SHANK2: variants seen among roughly 807,000 people sequenced by gnomAD.
SHANK2 encodes the protein SH3 and multiple ankyrin repeat domains 2, also known as SH3 and multiple ankyrin repeat domains protein 2.
SHANK2 carries 43 observed loss-of-function variants against 133.7 expected under a neutral mutation model. The observed-to-expected ratio is 0.32, with a 90% confidence interval of 0.25 to 0.41. The LOEUF (loss-of-function observed/expected upper bound fraction) is 0.41. Among genes scored for constraint, SHANK2 ranks in the 10% least tolerant of loss-of-function variants. SHANK2 has a pLI of 1.00. For synonymous variants in SHANK2, 1,017 were observed against 952.8 expected, an observed-to-expected ratio of 1.07 and a Z score of -1.24; for missense variants, 1,994 against 2,235.8, an observed-to-expected ratio of 0.89 and a Z score of 2.18.
At chr11:71,117,486 G>A (rs563144275) in intron 4 of SHANK2, among the ~76,000 whole-genome samples, 1 of 152,172 alleles carries the variant, frequency 6.6e-6, no homozygotes, top group African/African-American at 2.4e-5. Flanking sequence ...TCAACTCCCA[G>A]GTAGCTTCCA....
In SHANK2 at chr11:71,141,558, C is replaced by T. The variant is rs1362113794; in HGVS notation, c.207+5562G>A. Among the ~76,000 whole-genome samples the T allele has an allele frequency of 2.6e-5, 4 of 152,124 alleles. No individual in the cohort carries two copies. The East Asian group carries it at 7.7e-4, about 29-fold the overall frequency. On this transcript the variant is annotated intron_variant, in intron 3 of 25. Coordinates refer to ENST00000601538, the MANE Select transcript of SHANK2 (RefSeq NM_012309.5). ...TGTGACTTTGCTCCTCCTCCAACTT[C>T]CACCATAATTGTGAGGCCTCCCCAG...
At chr11:70,518,606 T>C (rs1158360932) in intron 17 of SHANK2, among the ~76,000 whole-genome samples, 2 of 152,226 alleles carry the variant, frequency 1.3e-5, no homozygotes, top group Admixed American at 6.5e-5. Context: ...ACCGAGTCAA[T>C]TGCATCCTGC....
chr11:70,932,558 C>T (rs1950517610), intron 10 of SHANK2, among the ~76,000 whole-genome samples: 1 of 152,248 alleles, frequency 6.6e-6, no homozygotes, highest in African/African-American at 2.4e-5. Context: ...CCAAGTCAGG[C>T]ATCTGGGCCA....
intron 13 of SHANK2, among the ~76,000 whole-genome samples, chr11:70,800,361 T>C (rs1381875566): frequency 6.6e-6 from 1 of 152,230 alleles, no homozygotes; most frequent in African/African-American, 2.4e-5. Context: ...GGGCCAGGGA[T>C]GCCCTCAACA....
chr11:71,092,683 C>T (rs1951539776), intron 7 of SHANK2, 94 bp from the exon 8 acceptor site: 1 of 1,332,170 alleles, frequency 7.5e-7, no homozygotes, highest in Admixed American at 2.1e-5. Context: ...ACCACCCTCC[C>T]CCAGGTCAAG....
intron 10 of SHANK2, chr11:70,949,980 G>A (rs1000875042): frequency 2.2e-6 from 1 of 447,500 alleles, no homozygotes; most frequent in Middle Eastern, 3.3e-4. Context: ...TAGGTGCGGT[G>A]CCTGGGGAGG....
intron 17 of SHANK2, among the ~76,000 whole-genome samples, chr11:70,591,318 C>T (rs2060317902): frequency 6.6e-6 from 1 of 151,108 alleles, no homozygotes; most frequent in South Asian, 2.1e-4. Context: ...TGCCACTGCA[C>T]TCCAGTATGG....
intron 6 of SHANK2, among the ~76,000 whole-genome samples, chr11:71,107,321 C>A: frequency 6.6e-6 from 1 of 152,252 alleles, no homozygotes; most frequent in Middle Eastern, 3.4e-3. Context: ...ACCCTGGCCC[C>A]GTGGGTCTCT....
chr11:70,564,289 C>T (rs1434148798), intron 17 of SHANK2, among the ~76,000 whole-genome samples: 3 of 150,848 alleles, frequency 2.0e-5, no homozygotes, highest in African/African-American at 4.9e-5. Flanking sequence ...GATGGAGTCT[C>T]ACCCTGTTGC....
intron 11 of SHANK2, among the ~76,000 whole-genome samples, chr11:70,858,757 C>T (rs1160118518): frequency 6.6e-6 from 1 of 152,252 alleles, no homozygotes; most frequent in Non-Finnish European, 1.5e-5. Flanking sequence ...TCCAGCCTAA[C>T]TTTACTACCT....
intron 11 of SHANK2, among the ~76,000 whole-genome samples, chr11:70,877,217 G>A (rs1042445724): frequency 1.3e-5 from 2 of 152,182 alleles, no homozygotes; most frequent in Non-Finnish European, 2.9e-5. Context: ...TGCCCCGCTC[G>A]CTGGATAACT....
At chr11:70,599,766 C>T (rs367740825) in intron 17 of SHANK2, among the ~76,000 whole-genome samples, 3 of 145,962 alleles carry the variant, frequency 2.1e-5, no homozygotes, top group Non-Finnish European at 3.0e-5. Context: ...CACTCCAGCC[C>T]GGGTTACAGT....
chr11:71,064,747 G>A (rs1171141335), intron 9 of SHANK2, among the ~76,000 whole-genome samples: 1 of 152,126 alleles, frequency 6.6e-6, no homozygotes, highest in Admixed American at 6.5e-5. Flanking sequence ...GGATGAGAGG[G>A]ACGGTGAGAA....
intron 3 of SHANK2, among the ~76,000 whole-genome samples, chr11:71,139,364 A>AGG (rs1386469394): frequency 2.5e-5 from 2 of 79,298 alleles, no homozygotes; most frequent in East Asian, 8.5e-4. Flanking sequence ...GGGTAGGGGG[A>AGG]GGGGGGAGGG....
chr11:70,600,673 C>T (rs181093492), intron 17 of SHANK2, among the ~76,000 whole-genome samples: 130 of 152,108 alleles, frequency 8.5e-4, no homozygotes, highest in African/African-American at 3.0e-3. Context: ...GCCTCCAGCA[C>T]GGAAGATCTT....
intron 7 of SHANK2, among the ~76,000 whole-genome samples, chr11:71,093,727 C>A (rs1555094667): frequency 6.6e-6 from 1 of 152,158 alleles, no homozygotes; most frequent in Non-Finnish European, 1.5e-5. Context: ...GAAACCTCTT[C>A]TTATAAATTA....
chr11:70,617,853 G>C (rs1235257755), intron 17 of SHANK2, among the ~76,000 whole-genome samples: 1 of 152,148 alleles, frequency 6.6e-6, no homozygotes, highest in Non-Finnish European at 1.5e-5. Flanking sequence ...TCGGGGGAGA[G>C]GGGAGGGATA....
Position 70,485,232 on chromosome 11 carries a change from G to A in SHANK2, c.4979+82C>T. ...CGAATTCCCCTCTTCGTGTCCGCTGGGGCTGCTACCCGAGGGCCTTTCCTG... is the reference window on the plus strand; with the variant it reads ...CGAATTCCCCTCTTCGTGTCCGCTGAGGCTGCTACCCGAGGGCCTTTCCTG... On this transcript the variant is annotated intron_variant, in intron 25 of 25. Transcript: ENST00000601538. The surrounding 1 kb of genome is among the most constrained non-coding windows in gnomAD (Gnocchi z 5.8). 1 of 1,189,856 alleles carries A rather than the reference G, an allele frequency of 8.4e-7. No individual in the cohort carries two copies. The highest frequency in any genetic ancestry group is 1.2e-5 in the South Asian group (1 of 82,168). 73.7% of individuals were successfully genotyped at this position (1,189,856 alleles called of 1,614,324 possible).
chr11:70,872,195 C>T (rs906391745), intron 11 of SHANK2: 3 of 154,712 alleles, frequency 1.9e-5, no homozygotes, highest in Non-Finnish European at 4.4e-5. Flanking sequence ...TATAAATAGC[C>T]TCAAATCAGT....
Sources: gnomAD v4.1 joint callset for allele counts (sites outside exome capture counted in the v4.1 genomes callset) on GRCh38, gnomAD v4.1.1 for gene constraint, Gnocchi (gnomAD v3.1) non-coding constraint, MANE v1.5 for transcripts, NCBI Gene and HGNC (gene_info 2026-07-23, HGNC 2026-07-21) for gene names.